The following KRT24 variants were observed in gnomAD, a reference collection of about 807,000 sequenced individuals.
KRT24 encodes the protein keratin 24.
Under a neutral mutation model 51.7 loss-of-function variants are expected in KRT24, and 44 were observed. That is an observed-to-expected ratio of 0.85 (90% CI 0.67 to 1.09). KRT24 has a LOEUF of 1.09. Ranked by LOEUF, KRT24 falls within the 50% of genes least tolerant of loss-of-function variation. The pLI is 0.00. For synonymous variants in KRT24, 241 were observed against 249.5 expected, an observed-to-expected ratio of 0.97 and a Z score of 0.32; for missense variants, 633 against 647.0, an observed-to-expected ratio of 0.98 and a Z score of 0.24.
In KRT24 at chr17:40,699,455, A is replaced by G. The variant is rs763985027; in HGVS notation, c.1350T>C (p.Asp450=). 1.1e-5 allele frequency: 18 copies of G among 1,613,544 alleles called. No individual in the cohort carries two copies. Among genetic ancestry groups the G allele is most frequent in the East Asian group, 2.2e-5 (1 of 44,864 alleles). Residue 450 remains aspartate, a synonymous_variant, in exon 6 of 8, where the codon GAT becomes GAC. Transcript: ENST00000264651. ...TGACTTTGGTTTACCCTCCCTCTCC[A>G]TCGAGCAGGCGGCGGTAGGTCTCGA... The part of the protein sequence containing the change: ...VEIETYRRLL[D]GEGGGSSFAE...
chr17:40,699,465 C>T lies in KRT24; in HGVS notation c.1340G>A (p.Arg447His), dbSNP rs200625015. ...RLEVEIETYRRLLDGEGGGSS... is the reference protein window; with the variant it reads ...RLEVEIETYRHLLDGEGGGSS... ...TTACCCTCCCTCTCCATCGAGCAGG[C>T]GGCGGTAGGTCTCGATCTCCACCTC... The change falls in exon 6 of 8, where the codon CGC becomes CAC. Residue 447 changes from arginine to histidine, a missense_variant. Coordinates refer to ENST00000264651, the MANE Select transcript of KRT24 (RefSeq NM_019016.3). 3.4e-5 allele frequency: 55 copies of T among 1,613,758 alleles called. No individual in the cohort carries two copies. The highest frequency in any genetic ancestry group is 4.4e-5 in the South Asian group (4 of 91,072).
Position 40,703,627 on chromosome 17 carries a change from C to A in KRT24, c.67G>T (p.Gly23Cys). 1 of 1,610,752 alleles carries A rather than the reference C, an allele frequency of 6.2e-7. No individual in the cohort carries two copies. Among genetic ancestry groups the A allele is most frequent in the South Asian group, 1.1e-5 (1 of 90,472 alleles). Residue 23 changes from glycine to cysteine, a missense_variant, in exon 1 of 8, where the codon GGT (glycine) becomes TGT (cysteine). Coordinates refer to ENST00000264651, the MANE Select transcript of KRT24 (RefSeq NM_019016.3). ...GGSSSARVSA[G>C]GSSFSSGSRC... is the part of the protein sequence containing the mutation. ...CTTCCACTGCTGAAGCTGCTTCCAC[C>A]AGCAGACACCCTGGCTGAGCTGCTG...
chr17:40,698,271 T>C lies in KRT24; in HGVS notation c.1544A>G (p.Gln515Arg), dbSNP rs776390950. 2 of 1,613,278 alleles carry C rather than the reference T, an allele frequency of 1.2e-6. No homozygotes were observed. The highest frequency in any genetic ancestry group is 1.7e-6 in the Non-Finnish European group (2 of 1,179,392). ...TTTCACCTCAGAAATACTGCTGACT[T>C]GAGACGAGACAACCTTGCCATCCAC... Reference protein sequence around the residue: ...ELVDGKVVSSQVSSISEVKVK With the variant: ...ELVDGKVVSSRVSSISEVKVK The change falls in exon 8 of 8, where the codon CAA becomes CGA. Residue 515 changes from glutamine to arginine, a missense_variant. Coordinates refer to ENST00000264651, the MANE Select transcript of KRT24 (RefSeq NM_019016.3).
Position 40,701,209 on chromosome 17 carries a change from G to A in KRT24, c.786C>T (p.Arg262=), listed in dbSNP as rs778924051. The A allele has an allele frequency of 2.1e-5, 34 of 1,613,976 alleles. No homozygotes were observed. In the East Asian group the frequency reaches 7.1e-4, roughly 34 times the overall value. ...TCTCAATCTGCATCTCCAGGTCAGA[G>A]CGGGTCATAGTCAGGTCATCCAGGA... ...RKVLDDLTMT[R]SDLEMQIESF... is the part of the protein sequence containing the mutation. Residue 262 remains arginine (R), a synonymous_variant, in exon 3 of 8, where the codon CGC becomes CGT. Coordinates refer to ENST00000264651, the MANE Select transcript of KRT24 (RefSeq NM_019016.3).
intron 1 of KRT24, 43 bp downstream of exon 1, chr17:40,703,036 A>G (rs2037700146): frequency 6.6e-7 from 1 of 1,521,738 alleles, no homozygotes; most frequent in South Asian, 1.3e-5. Flanking sequence ...AAAAGAAGTG[A>G]AAGATCCACA....
intron 1 of KRT24, 97 bp from the exon 2 acceptor site, chr17:40,702,030 C>CT (rs200809201): frequency 5.5e-4 from 276 of 502,030 alleles, no homozygotes; most frequent in African/African-American, 3.8e-3. Context: ...GTTATTAGCT[C>CT]TTTTTTTTGT....
chr17:40,701,579 G>T (rs2037678007), intron 2 of KRT24, among the ~76,000 whole-genome samples: 1 of 150,502 alleles, frequency 6.6e-6, no homozygotes, highest in South Asian at 2.1e-4. Context: ...GTAGGCTGAT[G>T]AAAGGAGCAG....
Position 40,698,050 on chromosome 17 carries a change from C to A in KRT24, c.*187G>T. The A allele has an allele frequency of 1.9e-6, 1 of 533,436 alleles. No individual in the cohort carries two copies. 33.0% of individuals were successfully genotyped at this position (533,436 alleles called of 1,614,324 possible). ...AACAATTAAAGCAAAGTTGTTAATT[C>A]AGCTATTTCAAGAGCATTCTAATGA... is the stretch of plus-strand genomic sequence containing the variant. On this transcript the variant is annotated 3_prime_UTR_variant, in exon 8 of 8. Transcript: ENST00000264651.
chr17:40,700,390 T>A lies in KRT24; in HGVS notation c.856-7A>T, dbSNP rs1198051526. 3.1e-6 allele frequency: 5 copies of A among 1,600,668 alleles called. No individual in the cohort carries two copies. Among genetic ancestry groups the A allele is most frequent in the African/African-American group, 2.7e-5 (2 of 73,790 alleles). On this transcript the variant is annotated splice_polypyrimidine_tract_variant and splice_region_variant and intron_variant, in intron 3 of 7. Transcript: ENST00000264651. ...CTTGCATATTCTTCATTTCCTAGCA[T>A]GAAGGAAAAAAGACTATCGTGATGC...
chr17:40,700,496 ATC>A, intron 3 of KRT24, 113 bp from the exon 4 acceptor site: 4 of 754,316 alleles, frequency 5.3e-6, no homozygotes, highest in Non-Finnish European at 8.6e-6. Context: ...AAAAAAAAAA[ATC>A]AAATCTAGGT....
rs757621508 is a variant in KRT24 at position 40,703,342 on chromosome 17, C to T, written c.352G>A (p.Gly118Ser). 3 of 1,614,012 alleles carry T rather than the reference C, an allele frequency of 1.9e-6. No homozygotes were observed. Among genetic ancestry groups the T allele is most frequent in the Admixed American group, 1.7e-5 (1 of 59,998 alleles). The change falls in exon 1 of 8, where the codon GGC (glycine) becomes AGC (serine). Residue 118 changes from glycine to serine, a missense_variant. Transcript: ENST00000264651. ...SSRFSSGATG[G>S]FYSYGGGMGG... ...ATACCACCACCATAGCTGTAGAAGCCTCCAGTAGCACCACTGCTGAATCTA... is the reference window on the plus strand; with the variant it reads ...ATACCACCACCATAGCTGTAGAAGCTTCCAGTAGCACCACTGCTGAATCTA...
chr17:40,703,529 C>T lies in KRT24; in HGVS notation c.165G>A (p.Gly55=), dbSNP rs369333681. 9.6e-6 allele frequency: 15 copies of T among 1,568,328 alleles called. No homozygotes were observed. The highest frequency in any genetic ancestry group is 1.3e-5 in the Non-Finnish European group (15 of 1,156,018). ...GGASSCSLSG[G]SSGAFGGSFG... ...AGCTGCCCCCAAAAGCACCGCTAGA[C>T]CCCCCACTCAGGCTGCAGCTGCTGG... Residue 55 remains glycine, a synonymous_variant, in exon 1 of 8, where the codon GGG becomes GGA. Coordinates refer to ENST00000264651, the MANE Select transcript of KRT24 (RefSeq NM_019016.3).
At chr17:40,699,743 T>A in intron 5 of KRT24, 82 bp from the exon 6 acceptor site, 1 of 1,227,066 alleles carries the variant, frequency 8.1e-7, no homozygotes. Context: ...TATGTGGCAC[T>A]AGAAGTGCAC....
At position 40,698,530 on chromosome 17, in the gene KRT24, A is replaced by G; in HGVS notation, c.1474+8T>C. 1.3e-6 allele frequency: 2 copies of G among 1,503,906 alleles called. No individual in the cohort carries two copies. The highest frequency in any genetic ancestry group is 1.4e-5 in the African/African-American group (1 of 71,672). 93.2% of individuals were successfully genotyped at this position (1,503,906 alleles called of 1,614,324 possible). On this transcript the variant is annotated splice_region_variant and intron_variant, in intron 7 of 7. Coordinates refer to ENST00000264651, the MANE Select transcript of KRT24 (RefSeq NM_019016.3). Reference sequence around the variant, plus strand: ...ACAGAACTATTATCAATATTAAAAAAAGTCTACCTCGTCCTTGACCAGAAC... The same window carrying G: ...ACAGAACTATTATCAATATTAAAAAGAGTCTACCTCGTCCTTGACCAGAAC...
rs1276712798 is a variant in KRT24, at chr17:40,699,492, A to G, written c.1313T>C (p.Leu438Pro). ...GCGGTAGGTCTCGATCTCCACCTCC[A>G]GGCGTGTCTTGATGTCCAGCAATTG... ...YKQLLDIKTRLEVEIETYRRL... is the reference protein window; with the variant it reads ...YKQLLDIKTRPEVEIETYRRL... Residue 438 changes from leucine (L) to proline (P), a missense_variant, in exon 6 of 8, where the codon CTG becomes CCG. Transcript: ENST00000264651. The G allele has an allele frequency of 3.7e-6, 6 of 1,613,992 alleles. No homozygotes were observed. The highest frequency in any genetic ancestry group is 5.1e-6 in the Non-Finnish European group (6 of 1,179,890).
rs760368065 is a variant in KRT24 at position 40,698,253 on chromosome 17, T to C, written c.1562A>G (p.Glu521Gly). 1 of 1,611,118 alleles carries C rather than the reference T, an allele frequency of 6.2e-7. No individual in the cohort carries two copies. The highest frequency in any genetic ancestry group is 8.5e-7 in the Non-Finnish European group (1 of 1,177,472). Residue 521 changes from glutamate (E) to glycine (G), a missense_variant, in exon 8 of 8, where the codon GAG becomes GGG. Transcript: ENST00000264651. ...GGAAGTTCCTTATTTAACTTTCACC[T>C]CAGAAATACTGCTGACTTGAGACGA... ...VVSSQVSSIS[E>G]VKVK
Position 40,703,577 on chromosome 17 carries a change from C to T in KRT24, c.117G>A (p.Ser39=), listed in dbSNP as rs1182603077. Residue 39 remains serine (S), a synonymous_variant, in exon 1 of 8, where the codon TCG becomes TCA. Coordinates refer to ENST00000264651, the MANE Select transcript of KRT24 (RefSeq NM_019016.3). ...TGGCTCCTCCTCGGAAGCCCTGGGCCGAGCTGCCCCCCAGACCACATCTGC... is the reference window on the plus strand; with the variant it reads ...TGGCTCCTCCTCGGAAGCCCTGGGCTGAGCTGCCCCCCAGACCACATCTGC... ...SGSRCGLGGS[S]AQGFRGGASS... The T allele has an allele frequency of 8.1e-6, 13 of 1,612,746 alleles. 1 individual carries two copies. The highest frequency in any genetic ancestry group is 7.7e-5 in the South Asian group (7 of 90,970).
At chr17:40,702,826 A>G (rs1020196017) in intron 1 of KRT24, among the ~76,000 whole-genome samples, 2 of 152,198 alleles carry the variant, frequency 1.3e-5, no homozygotes, top group Non-Finnish European at 2.9e-5. Context: ...TATATAAATG[A>G]TAATTAGCTG....
In KRT24 at chr17:40,699,996, A is replaced by G; in HGVS notation, c.1143+2T>C. ...AAAATGTGAAAAGCTATTTGCACAT[A>G]CCATGGCCAGTTGGGACTGAAGCTC... is the stretch of plus-strand genomic sequence containing the variant. On this transcript the variant is annotated splice_donor_variant, in intron 5 of 7. Transcript: ENST00000264651. LOFTEE classifies it high-confidence loss of function. 1 of 1,614,114 alleles carries G rather than the reference A, an allele frequency of 6.2e-7. No individual in the cohort carries two copies. The highest frequency in any genetic ancestry group is 1.3e-5 in the African/African-American group (1 of 75,050).
Sources: gnomAD v4.1 joint callset for allele counts (sites outside exome capture counted in the v4.1 genomes callset) on GRCh38, gnomAD v4.1.1 for gene constraint, MANE v1.5 for transcripts, NCBI Gene and HGNC (gene_info 2026-07-23, HGNC 2026-07-21) for gene names.